STXBP5: variants seen among roughly 807,000 people sequenced by gnomAD.
STXBP5 encodes the protein syntaxin-binding protein 5.
STXBP5 carries 50 observed loss-of-function variants against 152.4 expected under a neutral mutation model. The ratio of observed to expected loss-of-function variants is 0.33; its 90% confidence interval spans 0.26 to 0.42. The LOEUF (loss-of-function observed/expected upper bound fraction) is 0.42, where lower values mean the gene tolerates loss of function less well. Ranked by LOEUF, STXBP5 falls within the 10% of genes least tolerant of loss-of-function variation. The pLI, the probability that STXBP5 is intolerant of heterozygous loss-of-function variation, is 1.00. For synonymous variants in STXBP5, 492 were observed against 494.7 expected, an observed-to-expected ratio of 0.99 and a Z score of 0.07; for missense variants, 1,167 against 1,388.6, an observed-to-expected ratio of 0.84 and a Z score of 2.54.
rs1582826932 is a variant in STXBP5 at position 147,239,421 on chromosome 6, C to T, written c.431+151C>T. On this transcript the variant is annotated intron_variant, in intron 4 of 27. Transcript: ENST00000321680. The stretch of plus-strand genomic sequence containing the variant: ...AAGGATATACAATAAAAGCAAGATT[C>T]CTTCTTTTTTAGATCCATCTTACTT... 33 of 617,734 alleles carry T rather than the reference C, an allele frequency of 5.3e-5. No homozygotes were observed. The East Asian group carries it at 9.4e-4, about 18-fold the overall frequency. 38.3% of individuals were successfully genotyped at this position (617,734 alleles called of 1,614,324 possible). A position where few individuals can be genotyped will look rare whatever the true frequency, so the allele number is the denominator to read the frequency against.
intron 2 of STXBP5, among the ~76,000 whole-genome samples, chr6:147,212,212 T>A (rs1391212701): frequency 2.0e-5 from 3 of 152,184 alleles, no homozygotes; most frequent in African/African-American, 7.2e-5. Flanking sequence ...GAAACAAATG[T>A]GATAGAAACC....
intron 2 of STXBP5, among the ~76,000 whole-genome samples, chr6:147,228,752 C>T (rs912201120): frequency 1.3e-5 from 2 of 152,066 alleles, no homozygotes; most frequent in African/African-American, 4.8e-5. Context: ...GGACCAAAGA[C>T]TTCTTTTCAC....
chr6:147,236,634 C>T (rs1778283946), intron 3 of STXBP5, among the ~76,000 whole-genome samples: 1 of 152,090 alleles, frequency 6.6e-6, no homozygotes, highest in Non-Finnish European at 1.5e-5. Flanking sequence ...TGTACAGATG[C>T]ATGTAAGGAC....
At chr6:147,275,298 C>G (rs1780381411) in intron 7 of STXBP5, among the ~76,000 whole-genome samples, 1 of 152,032 alleles carries the variant, frequency 6.6e-6, no homozygotes, top group East Asian at 1.9e-4. Flanking sequence ...GATACTACAT[C>G]TTTTAAAGAG....
At chr6:147,373,587 GATCGTAGGACATGTACTCATTA>G in intron 25 of STXBP5, 122 bp from the exon 26 acceptor site, 1 of 553,616 alleles carries the variant, frequency 1.8e-6, no homozygotes, top group Non-Finnish European at 3.2e-6. Flanking sequence ...TTCTGTATCT[GATCGTAGGACATGTACTCATTA>G]ATTGTGAATC....
chr6:147,342,912 A>G (rs945999471), intron 21 of STXBP5, among the ~76,000 whole-genome samples: 1 of 152,086 alleles, frequency 6.6e-6, no homozygotes. Context: ...GTTTCATGCT[A>G]AAAGTAGATT....
At chr6:147,253,279 C>T (rs1358463295) in intron 4 of STXBP5, among the ~76,000 whole-genome samples, 1 of 152,176 alleles carries the variant, frequency 6.6e-6, no homozygotes, top group Admixed American at 6.5e-5. Context: ...TAAAAACTCT[C>T]AATAAACTAG....
intron 7 of STXBP5, among the ~76,000 whole-genome samples, chr6:147,272,255 G>A (rs1330306063): frequency 1.3e-5 from 2 of 152,104 alleles, no homozygotes; most frequent in Non-Finnish European, 2.9e-5. Flanking sequence ...ACTTCATGAG[G>A]CAAGCATTAC....
chr6:147,252,233 C>A (rs758985088), intron 4 of STXBP5, among the ~76,000 whole-genome samples: 1 of 151,930 alleles, frequency 6.6e-6, no homozygotes, highest in African/African-American at 2.4e-5. Flanking sequence ...ATGAGTTTGA[C>A]GAATTGACAG....
chr6:147,328,595 T>A, intron 18 of STXBP5: 2 of 349,120 alleles, frequency 5.7e-6, no homozygotes, highest in Non-Finnish European at 1.2e-5. Context: ...TTTAATGTGA[T>A]CATTTTGTCA....
intron 4 of STXBP5, among the ~76,000 whole-genome samples, chr6:147,247,597 ACCT>A (rs1331208592): frequency 6.6e-6 from 1 of 152,168 alleles, no homozygotes; most frequent in African/African-American, 2.4e-5. Flanking sequence ...GTATTGGATC[ACCT>A]CCTAGAATAA....
intron 2 of STXBP5, among the ~76,000 whole-genome samples, chr6:147,224,021 C>T (rs1042129532): frequency 6.6e-6 from 1 of 152,182 alleles, no homozygotes; most frequent in African/African-American, 2.4e-5. Flanking sequence ...ACTGGAGTTC[C>T]AGGTCTTGAG....
intron 21 of STXBP5, among the ~76,000 whole-genome samples, chr6:147,345,369 A>G (rs970124823): frequency 6.6e-6 from 1 of 152,222 alleles, no homozygotes; most frequent in Non-Finnish European, 1.5e-5. Flanking sequence ...CATACGATAC[A>G]TGACAAGAGA....
intron 8 of STXBP5, among the ~76,000 whole-genome samples, chr6:147,288,621 A>G (rs942130566): frequency 2.0e-5 from 3 of 152,114 alleles, no homozygotes; most frequent in African/African-American, 7.2e-5. Context: ...TCCTCCTGTT[A>G]CTGGTGGCAT....
At chr6:147,343,333 G>A (rs1784174626) in intron 21 of STXBP5, among the ~76,000 whole-genome samples, 1 of 152,064 alleles carries the variant, frequency 6.6e-6, no homozygotes, top group East Asian at 1.9e-4. Context: ...TTCAAGTGCT[G>A]TTTTTATTAG....
At chr6:147,210,829 A>G (rs1015653698) in intron 2 of STXBP5, among the ~76,000 whole-genome samples, 2 of 152,208 alleles carry the variant, frequency 1.3e-5, no homozygotes, top group Non-Finnish European at 2.9e-5. Context: ...CATTATTATT[A>G]TAATACATGA....
intron 21 of STXBP5, among the ~76,000 whole-genome samples, chr6:147,349,178 T>A (rs780326369): frequency 1.3e-5 from 2 of 152,032 alleles, no homozygotes; most frequent in African/African-American, 2.4e-5. Flanking sequence ...AATACAAGCT[T>A]TAAAATATTT....
intron 8 of STXBP5, among the ~76,000 whole-genome samples, chr6:147,284,085 C>T (rs147076379): frequency 3.3e-5 from 5 of 152,202 alleles, no homozygotes; most frequent in African/African-American, 7.2e-5. Context: ...ATGTAATCAA[C>T]GTATAAAATT....
At chr6:147,344,683 T>G (rs1784241354) in intron 21 of STXBP5, among the ~76,000 whole-genome samples, 1 of 152,210 alleles carries the variant, frequency 6.6e-6, no homozygotes, top group South Asian at 2.1e-4. Flanking sequence ...GGGCTCAGCC[T>G]AAGGGCATCA....
Sources: gnomAD v4.1 joint callset for allele counts (sites outside exome capture counted in the v4.1 genomes callset) on GRCh38, gnomAD v4.1.1 for gene constraint, MANE v1.5 for transcripts, NCBI Gene and HGNC (gene_info 2026-07-23, HGNC 2026-07-21) for gene names.